Variants in GPATCH1 observed in about 807,000 individuals in gnomAD.
GPATCH1 encodes the protein G-patch domain containing 1.
Under a neutral mutation model 114.9 loss-of-function variants are expected in GPATCH1, and 73 were observed. The ratio of observed to expected loss-of-function variants is 0.64; its 90% CI spans 0.53 to 0.77. The LOEUF (loss-of-function observed/expected upper bound fraction) is 0.77. Ranked by LOEUF, GPATCH1 falls within the 30% of genes least tolerant of loss-of-function variation. GPATCH1 has a pLI of 0.00. For synonymous variants in GPATCH1, 391 were observed against 428.4 expected, an observed-to-expected ratio of 0.91 and a Z score of 1.08; for missense variants, 1,058 against 1,144.3, an observed-to-expected ratio of 0.92 and a Z score of 1.09.
At chr19:33,092,936 C>T (rs1007684280) in intron 3 of GPATCH1, among the ~76,000 whole-genome samples, 1 of 152,190 alleles carries the variant, frequency 6.6e-6, no homozygotes, top group Non-Finnish European at 1.5e-5. Flanking sequence ...TGCCTGTAAT[C>T]CCAGCACTTT....
At chr19:33,082,190 G>A (rs1046752528) in intron 1 of GPATCH1, among the ~76,000 whole-genome samples, 1 of 152,178 alleles carries the variant, frequency 6.6e-6, no homozygotes, top group African/African-American at 2.4e-5. Flanking sequence ...GACCATACTT[G>A]CTGGTGGAAT....
chr19:33,126,269 A>AGGTGGTGC, intron 18 of GPATCH1, among the ~76,000 whole-genome samples: 1 of 152,304 alleles, frequency 6.6e-6, no homozygotes, highest in East Asian at 1.9e-4. Flanking sequence ...GGTTCACCGG[A>AGGTGGTGC]GGTGGCACAG....
chr19:33,125,901 A>G (rs1159719610), intron 18 of GPATCH1, among the ~76,000 whole-genome samples: 2 of 152,212 alleles, frequency 1.3e-5, no homozygotes, highest in Non-Finnish European at 2.9e-5. Context: ...GAAGGCAGGC[A>G]TGTGCTCCCA....
At chr19:33,101,344 C>T (rs1158779069) in intron 8 of GPATCH1, 151 bp from the exon 9 acceptor site, 2 of 612,126 alleles carry the variant, frequency 3.3e-6, no homozygotes, top group African/African-American at 3.7e-5. Flanking sequence ...TTGCTTACCA[C>T]TTGTTCTTCC....
At chr19:33,129,242 CAA>C (rs1005312700) in intron 19 of GPATCH1, among the ~76,000 whole-genome samples, 10 of 120,138 alleles carry the variant, frequency 8.3e-5, no homozygotes, top group Admixed American at 8.6e-5. Context: ...GACTCTGTCT[CAA>C]AAAAAAAAAA....
chr19:33,104,024 C>T (rs560509242), intron 9 of GPATCH1, among the ~76,000 whole-genome samples: 1 of 152,082 alleles, frequency 6.6e-6, no homozygotes, highest in African/African-American at 2.4e-5. Context: ...GGCAGACAGA[C>T]AGAGAGAAAT....
At chr19:33,128,215 G>A (rs1323304703) in intron 19 of GPATCH1, among the ~76,000 whole-genome samples, 1 of 152,072 alleles carries the variant, frequency 6.6e-6, no homozygotes, top group African/African-American at 2.4e-5. Flanking sequence ...AGCCTTCAGA[G>A]TAGCTGGGAC....
In GPATCH1 at chr19:33,106,737, C is replaced by G; in HGVS notation, c.1123C>G (p.His375Asp). 1 of 1,613,924 alleles carries G rather than the reference C, an allele frequency of 6.2e-7. No homozygotes were observed. Among genetic ancestry groups the G allele is most frequent in the African/African-American group, 1.3e-5 (1 of 75,000 alleles). The change falls in exon 10 of 20, where the codon CAT (histidine) becomes GAT (aspartate). Residue 375 changes from histidine (H) to aspartate (D), a missense_variant. His to Asp is a moderately conservative substitution (Grantham distance 81). Around this residue, in one of 3 missense-constraint regions of GPATCH1, gnomAD observed 893 missense variants for 977.4 expected, o/e 0.91. Transcript: ENST00000170564. ...GCTGCCAAGAGACTATCGACCAGTG[C>G]ATTATTTCAGACCCATGGTGGCCGC... ...PELPRDYRPVHYFRPMVAATS... is the reference protein window; with the variant it reads ...PELPRDYRPVDYFRPMVAATS...
rs776240909 is a variant in GPATCH1, at chr19:33,125,222, C to G, written c.2619+20C>G. 1 of 1,578,534 alleles carries G rather than the reference C, an allele frequency of 6.3e-7. No homozygotes were observed. The highest frequency in any genetic ancestry group is 8.6e-7 in the Non-Finnish European group (1 of 1,162,866). On this transcript the variant is annotated intron_variant, in intron 18 of 19. Transcript: ENST00000170564. ...GAGAAGGTGAGAGACTTGTGTGTAC[C>G]CCAGGATCAGTGTGGGGTGGGACCC... is the stretch of plus-strand genomic sequence containing the variant.
intron 1 of GPATCH1, among the ~76,000 whole-genome samples, chr19:33,085,925 C>A (rs2145299289): frequency 6.6e-6 from 1 of 152,284 alleles, no homozygotes; most frequent in East Asian, 1.9e-4. Context: ...GTCTGCAGAT[C>A]TTATCTCCCC....
Position 33,119,064 on chromosome 19 carries a change from A to G in GPATCH1, c.2468A>G (p.Gln823Arg). ...PPPSFPIQKMQIDEREEFGPR... is the reference protein window; with the variant it reads ...PPPSFPIQKMRIDEREEFGPR... ...CCTTCCTTCCCGATACAAAAGATGC[A>G]GATAGATGAAAGAGAAGAGTTCGGC... The change falls in exon 17 of 20, where the codon CAG becomes CGG. Residue 823 changes from glutamine (Q) to arginine (R), a missense_variant. Physicochemically the swap from Gln to Arg is conservative, Grantham distance 43. Coordinates refer to ENST00000170564, the MANE Select transcript of GPATCH1 (RefSeq NM_018025.3). 6.2e-7 allele frequency: 1 copy of G among 1,613,512 alleles called. No homozygotes were observed. The highest frequency in any genetic ancestry group is 8.5e-7 in the Non-Finnish European group (1 of 1,179,768).
At chr19:33,119,242 A>AT (rs1312939230) in intron 17 of GPATCH1, 125 bp downstream of exon 17, 1 of 528,058 alleles carries the variant, frequency 1.9e-6, no homozygotes, top group African/African-American at 1.9e-5. Context: ...TTTCAGTCAT[A>AT]TTTTAAACCC....
chr19:33,101,067 T>C (rs1325836462), intron 8 of GPATCH1, among the ~76,000 whole-genome samples: 3 of 152,198 alleles, frequency 2.0e-5, no homozygotes, highest in Non-Finnish European at 2.9e-5. Flanking sequence ...GATGGCCAGG[T>C]AGTCACCCTG....
chr19:33,117,736 A>G, intron 15 of GPATCH1, 89 bp from the exon 16 acceptor site: 1 of 881,228 alleles, frequency 1.1e-6, no homozygotes, highest in South Asian at 1.4e-5. Context: ...ATAAACATAA[A>G]TATGTGTGTC....
In GPATCH1 at chr19:33,093,472, C is replaced by T. The variant is rs762899155; in HGVS notation, c.408C>T (p.Ala136=). 4 of 1,613,854 alleles carry T rather than the reference C, an allele frequency of 2.5e-6. No homozygotes were observed. The South Asian group carries it at 4.4e-5, about 18-fold the overall frequency. The change falls in exon 4 of 20, where the codon GCC becomes GCT. Residue 136 remains alanine, a synonymous_variant. Transcript: ENST00000170564. ...EKARQLAAAT[A]PIPGATLLDD... ...CTAGGCAGTTGGCCGCTGCTACTGC[C>T]CCTATTCCTGGAGCCACCCTCCTTG...
Position 33,093,639 on chromosome 19 carries a change from G to GTT in GPATCH1, c.455+121_455+122insTT, listed in dbSNP as rs1047939409. 6.1e-4 allele frequency: 566 copies of GTT among 933,466 alleles called. 1 individual carries two copies. Among genetic ancestry groups the GTT allele is most frequent in the Non-Finnish European group, 5.6e-4 (340 of 610,982 alleles). 57.8% of individuals were successfully genotyped at this position (933,466 alleles called of 1,614,324 possible). A position where few individuals can be genotyped will look rare whatever the true frequency, so the allele number is the denominator to read the frequency against. ...AAGCCTTCTTAGGCTCAAAGTCTAAGTGAAAAAGGGGGTTTTGCGTAAAGG... is the reference window on the plus strand; with the variant it reads ...AAGCCTTCTTAGGCTCAAAGTCTAAGTTTGAAAAAGGGGGTTTTGCGTAAAGG... On this transcript the variant is annotated intron_variant, in intron 4 of 19. Transcript: ENST00000170564.
At chr19:33,111,451 C>G (rs1972852556) in intron 11 of GPATCH1, among the ~76,000 whole-genome samples, 1 of 151,404 alleles carries the variant, frequency 6.6e-6, no homozygotes, top group Admixed American at 6.6e-5. Flanking sequence ...TCCCGAACTC[C>G]TGACCTCAAG....
At chr19:33,124,972 G>A (rs1358494619) in intron 17 of GPATCH1, 133 bp from the exon 18 acceptor site, 1 of 847,146 alleles carries the variant, frequency 1.2e-6, no homozygotes. Context: ...CTAATCCAAG[G>A]GCAGGAGTTC....
chr19:33,111,385 GAAAAAAAA>G lies in GPATCH1; in HGVS notation c.1586-325_1586-318del, dbSNP rs10709432. On this transcript the variant is annotated intron_variant, in intron 11 of 19. Transcript: ENST00000170564. ...GGAGACAGAGTGAGACTCCATCTCA[GAAAAAAAA>G]AAAAAAAAAAAAAGAGAGATGGGGT... is the stretch of plus-strand genomic sequence containing the variant. Among the ~76,000 whole-genome samples, 35 of 88,148 alleles carry G rather than the reference GAAAAAAAA, an allele frequency of 4.0e-4. No individual in the cohort carries two copies. In the Middle Eastern group the frequency reaches 0.018, roughly 44 times the overall value. The allele number at this position is 88,148 out of a possible 152,430, so 57.8% of individuals were successfully genotyped here.
Sources: allele counts gnomAD v4.1 joint callset (sites outside exome capture counted in the v4.1 genomes callset), GRCh38; gene constraint gnomAD v4.1.1; regional missense constraint gnomAD v4.1.1; transcripts MANE v1.5; gene names NCBI Gene and HGNC (gene_info 2026-07-23, HGNC 2026-07-21).